Variants in GRIN2A observed in about 807,000 individuals in gnomAD.
The protein encoded by GRIN2A is glutamate ionotropic receptor NMDA type subunit 2A.
Under a neutral mutation model 113.4 loss-of-function variants are expected in GRIN2A, and 22 were observed. That is an observed-to-expected ratio of 0.19 (90% CI 0.14 to 0.28). The LOEUF (loss-of-function observed/expected upper bound fraction) is 0.28, where lower values mean the gene tolerates loss of function less well. Among genes scored for constraint, GRIN2A ranks in the 10% least tolerant of loss-of-function variants. GRIN2A has a pLI of 1.00. For synonymous variants in GRIN2A, 827 were observed against 738.4 expected, an observed-to-expected ratio of 1.12 and a Z score of -1.94; for missense variants, 1,502 against 1,887.0, an observed-to-expected ratio of 0.80 and a Z score of 3.78.
At chr16:9,892,942 A>T (rs2043725674) in intron 3 of GRIN2A, among the ~76,000 whole-genome samples, 2 of 143,464 alleles carry the variant, frequency 1.4e-5, no homozygotes. Flanking sequence ...TGAAAAAAAA[A>T]AAAAAAAAGA....
At chr16:10,150,427 C>A (rs2049544189) in intron 2 of GRIN2A, among the ~76,000 whole-genome samples, 1 of 152,122 alleles carries the variant, frequency 6.6e-6, no homozygotes, top group Non-Finnish European at 1.5e-5. Context: ...CCTGGTATCT[C>A]CTGTTTTCAG....
At position 9,760,061 on chromosome 16, in the gene GRIN2A, A is replaced by G. The variant is rs1900512149; in HGVS notation, c.*3088T>C. Reference sequence around the variant, plus strand: ...GAAAACCAATTAGAATTAACAAAATATCATTATGGATGCCAGCTCTGACTT... The same window carrying G: ...GAAAACCAATTAGAATTAACAAAATGTCATTATGGATGCCAGCTCTGACTT... On this transcript the variant is annotated 3_prime_UTR_variant, in exon 13 of 13. Coordinates refer to ENST00000330684, the MANE Select transcript of GRIN2A (RefSeq NM_001134407.3). The G allele has an allele frequency of 8.7e-6, 2 of 228,684 alleles. No individual in the cohort carries two copies. The highest frequency in any genetic ancestry group is 6.2e-5 in the East Asian group (1 of 16,016). 14.2% of individuals were successfully genotyped at this position (228,684 alleles called of 1,614,324 possible). A position where few individuals can be genotyped will look rare whatever the true frequency, so the allele number is the denominator to read the frequency against.
chr16:9,834,016 C>G (rs1357471230), intron 8 of GRIN2A, 89 bp downstream of exon 8: 1 of 1,313,346 alleles, frequency 7.6e-7, no homozygotes, highest in South Asian at 1.2e-5. Flanking sequence ...CATGCCTGGT[C>G]TAGAGTAATG....
intron 5 of GRIN2A, among the ~76,000 whole-genome samples, chr16:9,841,483 G>A (rs964574809): frequency 3.9e-5 from 6 of 152,180 alleles, no homozygotes; most frequent in Non-Finnish European, 8.8e-5. Context: ...TTAGACTAGA[G>A]TTTAGTCATC....
At chr16:10,091,342 A>G (rs2048179840) in intron 2 of GRIN2A, among the ~76,000 whole-genome samples, 1 of 152,114 alleles carries the variant, frequency 6.6e-6, no homozygotes, top group Non-Finnish European at 1.5e-5. Flanking sequence ...GGCGCAGTGG[A>G]TCACATCTAT....
At chr16:9,993,046 T>C (rs1324930399) in intron 2 of GRIN2A, among the ~76,000 whole-genome samples, 3 of 146,454 alleles carry the variant, frequency 2.0e-5, no homozygotes, top group East Asian at 2.0e-4. Flanking sequence ...CAAAACCTCA[T>C]CTCTACCAAA....
chr16:9,764,257 T>A lies in GRIN2A; in HGVS notation c.3287A>T (p.Lys1096Met), dbSNP rs773991023. 9 of 1,613,998 alleles carry A rather than the reference T, an allele frequency of 5.6e-6. No homozygotes were observed. Among genetic ancestry groups the A allele is most frequent in the Non-Finnish European group, 7.6e-6 (9 of 1,179,976 alleles). ...GGTGCGCTCGACCTCACTACAGTCCTTGGGGTATTTGGAGGCCACTGACCT... is the reference window on the plus strand; with the variant it reads ...GGTGCGCTCGACCTCACTACAGTCCATGGGGTATTTGGAGGCCACTGACCT... ...FKRSVASKYP[K>M]DCSEVERTYL... Residue 1096 changes from lysine (K) to methionine (M), a missense_variant, in exon 13 of 13, where the codon AAG becomes ATG. Physicochemically the swap from Lys to Met is moderately conservative, Grantham distance 95. This residue lies in a region of GRIN2A where 832 missense variants were observed against 789.7 expected (regional missense o/e 1.05). Transcript: ENST00000330684.
Position 9,784,441 on chromosome 16 carries a change from C to CCA in GRIN2A, c.2356+13835_2356+13836insTG, listed in dbSNP as rs1902102992. ...GCAAAACTCTAACAACAACAACAAC[C>CCA]AAAAAAAAAAAACAAACAAACAAAA... On this transcript the variant is annotated intron_variant, in intron 11 of 12. Transcript: ENST00000330684. Among the ~76,000 whole-genome samples the CCA allele has an allele frequency of 5.1e-4, 65 of 126,680 alleles. 1 individual carries two copies. The highest frequency in any genetic ancestry group is 1.9e-3 in the African/African-American group (62 of 32,618). The allele number at this position is 126,680 out of a possible 152,430, so 83.1% of individuals were successfully genotyped here.
chr16:10,026,172 A>G (rs542334103), intron 2 of GRIN2A, among the ~76,000 whole-genome samples: 1 of 152,304 alleles, frequency 6.6e-6, no homozygotes, highest in South Asian at 2.1e-4. Context: ...ACTTTGACAC[A>G]TGACTGCTTG....
At chr16:9,882,410 C>T (rs926864531) in intron 4 of GRIN2A, among the ~76,000 whole-genome samples, 1 of 152,130 alleles carries the variant, frequency 6.6e-6, no homozygotes, top group African/African-American at 2.4e-5. Flanking sequence ...CTGGAATCTA[C>T]TTTATTTCAC....
intron 2 of GRIN2A, among the ~76,000 whole-genome samples, chr16:9,959,721 C>G (rs1038871495): frequency 6.6e-6 from 1 of 152,218 alleles, no homozygotes; most frequent in African/African-American, 2.4e-5. Flanking sequence ...CGCCTGTAAT[C>G]CTAACACTTT....
chr16:9,999,122 C>T (rs1318151219), intron 2 of GRIN2A, among the ~76,000 whole-genome samples: 1 of 152,128 alleles, frequency 6.6e-6, no homozygotes. Context: ...AAGCAGCTTC[C>T]CAGGCACCTG....
chr16:9,814,217 C>T (rs560258080), intron 10 of GRIN2A, among the ~76,000 whole-genome samples: 1 of 152,210 alleles, frequency 6.6e-6, no homozygotes, highest in Admixed American at 6.5e-5. Flanking sequence ...TTAAATTCTC[C>T]CCTGAACCAT....
intron 4 of GRIN2A, among the ~76,000 whole-genome samples, chr16:9,851,949 T>A (rs547183794): frequency 6.6e-6 from 1 of 152,348 alleles, no homozygotes; most frequent in Admixed American, 6.5e-5. Context: ...ATAACTGAAC[T>A]GTCACCTTAC....
rs1276203041 is a variant in GRIN2A at position 9,938,429 on chromosome 16, G to A, written c.537C>T (p.Gly179=). ...TGACGAAGCTGATGAATTCCCTGTA[G>A]CCAGGGAAGATAGTGGTCACCAGGG... ...VFSLVTTIFP[G]YREFISFVKT... is the part of the protein sequence containing the mutation. Residue 179 remains glycine, a synonymous_variant, in exon 3 of 13, where the codon GGC becomes GGT. Transcript: ENST00000330684. The A allele has an allele frequency of 6.2e-7, 1 of 1,612,502 alleles. No homozygotes were observed. The highest frequency in any genetic ancestry group is 1.7e-5 in the Admixed American group (1 of 60,008).
chr16:10,026,165 T>G lies in GRIN2A; in HGVS notation c.415-87614A>C, dbSNP rs865966850. The stretch of plus-strand genomic sequence containing the variant: ...AATCCCCCACCCAGTGGCAACCACT[T>G]TGACACATGACTGCTTGGAGATTGA... On this transcript the variant is annotated intron_variant, in intron 2 of 12. Transcript: ENST00000330684. Among the ~76,000 whole-genome samples the G allele has an allele frequency of 3.9e-5, 6 of 152,298 alleles. No homozygotes were observed. The Middle Eastern group carries it at 0.017, about 432-fold the overall frequency.
intron 2 of GRIN2A, among the ~76,000 whole-genome samples, chr16:10,055,194 G>T (rs184847602): frequency 4.7e-5 from 7 of 150,522 alleles, no homozygotes; most frequent in Non-Finnish European, 8.8e-5. Flanking sequence ...CCCTAGGTTT[G>T]CATGTACATA....
chr16:9,785,260 TA>T (rs1292216907), intron 11 of GRIN2A, among the ~76,000 whole-genome samples: 2 of 152,076 alleles, frequency 1.3e-5, no homozygotes, highest in East Asian at 1.9e-4. Flanking sequence ...TATGCAGCCA[TA>T]AAAAATGATG....
At chr16:10,168,691 G>C (rs2049973400) in intron 2 of GRIN2A, among the ~76,000 whole-genome samples, 1 of 152,132 alleles carries the variant, frequency 6.6e-6, no homozygotes, top group South Asian at 2.1e-4. Flanking sequence ...TCTTGGCCAG[G>C]TGCCGTGGCT....
Sources: gnomAD v4.1 joint callset for allele counts (sites outside exome capture counted in the v4.1 genomes callset) on GRCh38, gnomAD v4.1.1 for gene constraint, gnomAD v4.1.1 regional missense constraint, MANE v1.5 for transcripts, NCBI Gene and HGNC (gene_info 2026-07-23, HGNC 2026-07-21) for gene names.